The following BCL2 variants were observed in gnomAD, a reference collection of about 807,000 sequenced individuals.
The protein encoded by BCL2 is BCL2 apoptosis regulator.
A neutral mutation model predicts 14.2 loss-of-function variants in BCL2; 1 was observed. The ratio of observed to expected loss-of-function variants is 0.07; its 90% confidence interval spans 0.02 to 0.33. BCL2 has a LOEUF of 0.33. Ranked by LOEUF, BCL2 falls within the 10% of genes least tolerant of loss-of-function variation. The pLI, the probability that BCL2 is intolerant of heterozygous loss-of-function variation, is 0.99. For synonymous variants in BCL2, 151 were observed against 137.2 expected, an observed-to-expected ratio of 1.10 and a Z score of -0.70; for missense variants, 247 against 305.9, an observed-to-expected ratio of 0.81 and a Z score of 1.44.
rs573907712 is a variant in BCL2, at chr18:63,124,072, C to T, written c.*4553G>A. 4.5e-6 allele frequency: 1 copy of T among 221,768 alleles called. No homozygotes were observed. The highest frequency in any genetic ancestry group is 2.2e-5 in the African/African-American group (1 of 44,662). The allele number at this position is 221,768 out of a possible 1,614,324, so 13.7% of individuals were successfully genotyped here. ...ATGAACCGGTACAGTACCATTCATGCTCCATCTGATTTTCTTTGCATCCAG... is the reference window on the plus strand; with the variant it reads ...ATGAACCGGTACAGTACCATTCATGTTCCATCTGATTTTCTTTGCATCCAG... On this transcript the variant is annotated 3_prime_UTR_variant, in exon 3 of 3. Transcript: ENST00000333681.
At chr18:63,148,655 T>C (rs1189292257) in intron 2 of BCL2, among the ~76,000 whole-genome samples, 1 of 147,614 alleles carries the variant, frequency 6.8e-6, no homozygotes, top group Non-Finnish European at 1.5e-5. Context: ...GCCTGGAATG[T>C]AGTAGGAAAA....
intron 2 of BCL2, among the ~76,000 whole-genome samples, chr18:63,218,098 G>A (rs1910257429): frequency 6.6e-6 from 1 of 152,188 alleles, no homozygotes; most frequent in African/African-American, 2.4e-5. Context: ...TCGGTGGTGT[G>A]TTTTCTTCCG....
At chr18:63,287,000 C>T (rs1912493083) in intron 2 of BCL2, among the ~76,000 whole-genome samples, 1 of 152,188 alleles carries the variant, frequency 6.6e-6, no homozygotes, top group Non-Finnish European at 1.5e-5. Context: ...AAAACTGTCC[C>T]AAAACATCTT....
chr18:63,173,005 T>C (rs1915263017), intron 2 of BCL2, among the ~76,000 whole-genome samples: 1 of 152,202 alleles, frequency 6.6e-6, no homozygotes, highest in Non-Finnish European at 1.5e-5. Flanking sequence ...TAAATAGTAA[T>C]TAAAAACTGA....
At chr18:63,309,170 G>A (rs942561983) in intron 2 of BCL2, among the ~76,000 whole-genome samples, 1 of 152,154 alleles carries the variant, frequency 6.6e-6, no homozygotes, top group African/African-American at 2.4e-5. Context: ...GGGAAAAGGT[G>A]GGGTGCAAAC....
At chr18:63,300,633 C>T (rs1912938218) in intron 2 of BCL2, among the ~76,000 whole-genome samples, 1 of 152,132 alleles carries the variant, frequency 6.6e-6, no homozygotes, top group African/African-American at 2.4e-5. Flanking sequence ...ATTTCTGTAA[C>T]TTACTACTCA....
At chr18:63,199,689 G>T (rs950636745) in intron 2 of BCL2, among the ~76,000 whole-genome samples, 1 of 151,454 alleles carries the variant, frequency 6.6e-6, no homozygotes, top group African/African-American at 2.4e-5. Flanking sequence ...GTACAGACAC[G>T]CAGACACACT....
intron 2 of BCL2, among the ~76,000 whole-genome samples, chr18:63,145,406 G>A (rs1479365358): frequency 7.3e-6 from 1 of 137,156 alleles, no homozygotes; most frequent in African/African-American, 3.1e-5. Context: ...GGGTGGGGGG[G>A]CTTCTCTGGG....
chr18:63,311,761 T>C (rs1023414643), intron 2 of BCL2, among the ~76,000 whole-genome samples: 1 of 152,216 alleles, frequency 6.6e-6, no homozygotes, highest in African/African-American at 2.4e-5. Context: ...GTTAACCTGC[T>C]CATGGAATGT....
chr18:63,135,044 T>C (rs1296263721), intron 2 of BCL2, among the ~76,000 whole-genome samples: 2 of 152,228 alleles, frequency 1.3e-5, no homozygotes, highest in African/African-American at 4.8e-5. Flanking sequence ...TTTAATAATG[T>C]CTAATAAAGA....
At chr18:63,286,684 A>G (rs944050396) in intron 2 of BCL2, among the ~76,000 whole-genome samples, 2 of 152,068 alleles carry the variant, frequency 1.3e-5, no homozygotes, top group Non-Finnish European at 2.9e-5. Flanking sequence ...GGGAGGTAGG[A>G]GGATTTGGTT....
intron 2 of BCL2, among the ~76,000 whole-genome samples, chr18:63,139,673 T>A: frequency 6.6e-6 from 1 of 152,232 alleles, no homozygotes; most frequent in South Asian, 2.1e-4. Context: ...AGGGCCTATA[T>A]ACACACAGGC....
At chr18:63,223,808 A>G (rs1910471256) in intron 2 of BCL2, among the ~76,000 whole-genome samples, 1 of 152,222 alleles carries the variant, frequency 6.6e-6, no homozygotes, top group African/African-American at 2.4e-5. Flanking sequence ...CAGAGTTGAC[A>G]AGTCCCTCAC....
chr18:63,183,427 G>C (rs1336308558), intron 2 of BCL2, among the ~76,000 whole-genome samples: 1 of 152,166 alleles, frequency 6.6e-6, no homozygotes, highest in Non-Finnish European at 1.5e-5. Flanking sequence ...GTGAGGTGGG[G>C]CACAGAGCTG....
At chr18:63,320,075 C>CGGCGGGCGGGAGCGCGGCG (rs1303736769), upstream of BCL2, 978 of 147,126 alleles carry the variant, frequency 6.6e-3, 5 homozygotes, top group Non-Finnish European at 8.1e-3. Flanking sequence ...CCACGGAGAG[C>CGGCGGGCGGGAGCGCGGCG]GGCGGGCGGG....
At chr18:63,222,958 G>C (rs1357396311) in intron 2 of BCL2, among the ~76,000 whole-genome samples, 1 of 152,218 alleles carries the variant, frequency 6.6e-6, no homozygotes, top group Admixed American at 6.5e-5. Context: ...AGCAGATGGA[G>C]AAGCAGTGAT....
intron 2 of BCL2, among the ~76,000 whole-genome samples, chr18:63,192,549 A>G (rs1267636427): frequency 6.6e-6 from 1 of 152,212 alleles, no homozygotes; most frequent in East Asian, 1.9e-4. Context: ...GAGATGGCCA[A>G]CAAGATGGCA....
At chr18:63,270,482 C>T (rs751911892) in intron 2 of BCL2, among the ~76,000 whole-genome samples, 1 of 152,166 alleles carries the variant, frequency 6.6e-6, no homozygotes, top group Non-Finnish European at 1.5e-5. Context: ...ATATGTTTGC[C>T]ACCCTCTGCA....
At chr18:63,261,447 T>C (rs888994446) in intron 2 of BCL2, among the ~76,000 whole-genome samples, 2 of 152,134 alleles carry the variant, frequency 1.3e-5, no homozygotes, top group Non-Finnish European at 2.9e-5. Context: ...GAGCAAGAAA[T>C]AGATCTCTGA....
Sources: gnomAD v4.1 joint callset for allele counts (sites outside exome capture counted in the v4.1 genomes callset) on GRCh38, gnomAD v4.1.1 for gene constraint, MANE v1.5 for transcripts, NCBI Gene and HGNC (gene_info 2026-07-23, HGNC 2026-07-21) for gene names.